The following EPHA10 variants were observed in gnomAD, a reference collection of about 807,000 sequenced individuals.
EPHA10 encodes EPH receptor A10, also known as ephrin type-A receptor 10.
In EPHA10, 120 loss-of-function variants were observed where a neutral mutation model predicts 109.7. That is an observed-to-expected ratio of 1.09 (90% CI 0.94 to 1.27). The LOEUF (loss-of-function observed/expected upper bound fraction) is 1.27, where lower values mean the gene tolerates loss of function less well. Ranked by LOEUF, EPHA10 falls within the 50% of genes most tolerant of loss-of-function variation. EPHA10 has a pLI of 0.00. For missense variants in EPHA10, 1,396 were observed against 1,411.1 expected, an observed-to-expected ratio of 0.99 and a Z score of 0.17; for synonymous variants, 640 against 618.9, an observed-to-expected ratio of 1.03 and a Z score of -0.51.
At position 37,723,131 on chromosome 1, in the gene EPHA10, G is replaced by A. The variant is rs1645828150; in HGVS notation, c.1870C>T (p.Gln624Ter). The A allele has an allele frequency of 1.5e-5, 25 of 1,614,044 alleles. No homozygotes were observed. The highest frequency in any genetic ancestry group is 1.8e-5 in the Non-Finnish European group (21 of 1,180,026). The change falls in exon 10 of 17, where the codon CAG becomes TAG. Residue 624 changes from glutamine to a stop codon, truncating the protein, a stop_gained. Transcript: ENST00000373048. LOFTEE classifies it high-confidence loss of function. ...GCCTGCAGCAGGTCCCCACAGCTCT[G>A]GGGGTCCAGGAATGTGCGACGTGTT... ...VPTRRTFLDPQSCGDLLQAVH... is the reference protein window; with the variant it reads ...VPTRRTFLDP
intron 8 of EPHA10, among the ~76,000 whole-genome samples, chr1:37,724,652 G>C (rs530036512): frequency 1.3e-5 from 2 of 152,306 alleles, no homozygotes; most frequent in South Asian, 4.1e-4. Context: ...ACAAGGATGA[G>C]AGACCAAGGG....
Position 37,765,006 on chromosome 1 carries a change from G to T in EPHA10, c.61C>A (p.Leu21Ile). The change falls in exon 1 of 17, where the codon CTC (leucine) becomes ATC (isoleucine). Residue 21 changes from leucine to isoleucine, a missense_variant. Physicochemically the swap from Leu to Ile is conservative, Grantham distance 5 (BLOSUM62 2). Transcript: ENST00000373048. Reference protein sequence around the residue: ...RLFLCRMQLCLALLLGPWRPG... With the variant: ...RLFLCRMQLCIALLLGPWRPG... The stretch of plus-strand genomic sequence containing the variant: ...CGCCAGGGTCCCAAAAGCAGCGCGA[G>T]ACAGAGCTGCATCCGGCAGAGGAAG... 6.2e-7 allele frequency: 1 copy of T among 1,611,200 alleles called. No individual in the cohort carries two copies.
At position 37,727,121 on chromosome 1, in the gene EPHA10, C is replaced by A. The variant is rs745483856; in HGVS notation, c.1753G>T (p.Val585Leu). The A allele has an allele frequency of 6.2e-7, 1 of 1,611,892 alleles. No individual in the cohort carries two copies. The highest frequency in any genetic ancestry group is 8.5e-7 in the Non-Finnish European group (1 of 1,178,898). Residue 585 changes from valine to leucine, a missense_variant, in exon 8 of 17, where the codon GTG becomes TTG. Physicochemically the swap from Val to Leu is conservative, Grantham distance 32. Coordinates refer to ENST00000373048, the MANE Select transcript of EPHA10 (RefSeq NM_001099439.2). Reference sequence around the variant, plus strand: ...ACCTACCTCCTCCAAATGGCCAGCACACTCATCACGGAGCCCAGGACGAGG... The same window carrying A: ...ACCTACCTCCTCCAAATGGCCAGCAAACTCATCACGGAGCCCAGGACGAGG... ...ALLVLGSVMS[V>L]LAIWRRPCSY...
In EPHA10 at chr1:37,747,804, C is replaced by A. The variant is rs1300753250; in HGVS notation, c.1357+5072G>T. ...TAATAATAAATCATAAAATAAGTGACGAAAGTAAAGAACAATGGAATTGAT... is the reference window on the plus strand; with the variant it reads ...TAATAATAAATCATAAAATAAGTGAAGAAAGTAAAGAACAATGGAATTGAT... On this transcript the variant is annotated intron_variant, in intron 5 of 16. Coordinates refer to ENST00000373048, the MANE Select transcript of EPHA10 (RefSeq NM_001099439.2). 3.3e-5 allele frequency among the ~76,000 whole-genome samples: 5 copies of A among 151,536 alleles called. No homozygotes were observed. In the South Asian group the frequency reaches 1.0e-3, roughly 32 times the overall value.
At chr1:37,743,841 C>A (rs1465716665) in intron 5 of EPHA10, among the ~76,000 whole-genome samples, 1 of 152,042 alleles carries the variant, frequency 6.6e-6, no homozygotes, top group Admixed American at 6.5e-5. Flanking sequence ...TTATAATAAG[C>A]CCAATGGGAC....
At position 37,764,402 on chromosome 1, in the gene EPHA10, G is replaced by A. The variant is rs1646458142; in HGVS notation, c.106+559C>T. The stretch of plus-strand genomic sequence containing the variant: ...GAGGCAAGACGCGGGCTCCAGTATC[G>A]CCGACAGCCTCAAACCCGGCAACGC... On this transcript the variant is annotated intron_variant, in intron 1 of 16. Coordinates refer to ENST00000373048, the MANE Select transcript of EPHA10 (RefSeq NM_001099439.2). This position sits in a 1 kb window ranked among gnomAD's most constrained non-coding sequence, Gnocchi z 5.8. Among the ~76,000 whole-genome samples the A allele has an allele frequency of 6.6e-6, 1 of 152,186 alleles. No individual in the cohort carries two copies. The highest frequency in any genetic ancestry group is 1.5e-5 in the Non-Finnish European group (1 of 68,040).
At chr1:37,715,020 T>A (rs1426646651), downstream of EPHA10, 1 of 152,322 alleles carries the variant, frequency 6.6e-6, no homozygotes, top group African/African-American at 2.4e-5. Context: ...CCTCTTTCAC[T>A]TGATTTCTCT....
chr1:37,727,259 G>A, intron 7 of EPHA10, 49 bp from the exon 8 acceptor site: 1 of 1,497,908 alleles, frequency 6.7e-7, no homozygotes, highest in Non-Finnish European at 9.1e-7. Flanking sequence ...CAGGCTCCTA[G>A]GCAAGCCCCA....
rs1034053653 is a variant in EPHA10 at position 37,754,142 on chromosome 1, C to T, written c.1006+73G>A. 3.0e-5 allele frequency: 38 copies of T among 1,248,100 alleles called. No homozygotes were observed. In the Middle Eastern group the frequency reaches 9.2e-4, roughly 30 times the overall value. 77.3% of individuals were successfully genotyped at this position (1,248,100 alleles called of 1,614,324 possible). A position where few individuals can be genotyped will look rare whatever the true frequency, so the allele number is the denominator to read the frequency against. On this transcript the variant is annotated intron_variant, in intron 4 of 16. Coordinates refer to ENST00000373048, the MANE Select transcript of EPHA10 (RefSeq NM_001099439.2). This position sits in a 1 kb window ranked among gnomAD's most constrained non-coding sequence, Gnocchi z 4.5. ...TGCGGAGACCCTGCCCTCACCACCA[C>T]CTGGATCAGGCCTTCCTTCTTGGCC...
At chr1:37,744,280 G>A (rs1233246133) in intron 5 of EPHA10, among the ~76,000 whole-genome samples, 3 of 151,916 alleles carry the variant, frequency 2.0e-5, no homozygotes, top group Admixed American at 6.6e-5. Context: ...TTGGGAGGCT[G>A]AGGCGGGTGG....
intron 3 of EPHA10, among the ~76,000 whole-genome samples, chr1:37,756,277 C>A (rs1221462610): frequency 6.6e-6 from 1 of 152,182 alleles, no homozygotes; most frequent in Non-Finnish European, 1.5e-5. Flanking sequence ...GCCCTGCCCA[C>A]CACTGTTGTG....
intron 5 of EPHA10, among the ~76,000 whole-genome samples, chr1:37,738,322 G>T (rs954072492): frequency 6.6e-6 from 1 of 151,918 alleles, no homozygotes; most frequent in African/African-American, 2.4e-5. Flanking sequence ...AGCTGAGATC[G>T]CACCACTGCA....
At chr1:37,736,148 C>T (rs1389581039) in intron 5 of EPHA10, among the ~76,000 whole-genome samples, 1 of 152,184 alleles carries the variant, frequency 6.6e-6, no homozygotes, top group African/African-American at 2.4e-5. Flanking sequence ...GTGGCTCACG[C>T]CTATAATCCC....
In EPHA10 at chr1:37,716,043, C is replaced by A. The variant is rs772753763; in HGVS notation, c.*2329G>T. On this transcript the variant is annotated 3_prime_UTR_variant, in exon 17 of 17. Transcript: ENST00000373048. ...ATATAAAAACATCTCCAGAAGGAAC[C>A]CCCTCCGACTGGCCCCCTCCCTCCC... is the stretch of plus-strand genomic sequence containing the variant. 21 of 556,996 alleles carry A rather than the reference C, an allele frequency of 3.8e-5. No homozygotes were observed. Among genetic ancestry groups the A allele is most frequent in the African/African-American group, 3.7e-4 (20 of 54,298 alleles). 34.5% of individuals were successfully genotyped at this position (556,996 alleles called of 1,614,324 possible).
Position 37,736,000 on chromosome 1 carries a change from G to A in EPHA10, c.1358-610C>T, listed in dbSNP as rs543751511. 2.6e-5 allele frequency among the ~76,000 whole-genome samples: 4 copies of A among 152,310 alleles called. No homozygotes were observed. In the East Asian group the frequency reaches 7.7e-4, roughly 29 times the overall value. ...CATAATACCAGAAGTTCTAGCCAGA[G>A]CAGTTAGGCAAGAAAAAGAAATAAA... On this transcript the variant is annotated intron_variant, in intron 5 of 16. Transcript: ENST00000373048.
intron 7 of EPHA10, among the ~76,000 whole-genome samples, chr1:37,730,122 G>C (rs180786125): frequency 6.6e-6 from 1 of 152,182 alleles, no homozygotes; most frequent in African/African-American, 2.4e-5. Context: ...TCCCCAGAAT[G>C]CCTCCCTGCC....
Position 37,717,221 on chromosome 1 carries a change from C to T in EPHA10, c.*1151G>A, listed in dbSNP as rs569106988. 1 of 232,968 alleles carries T rather than the reference C, an allele frequency of 4.3e-6. No homozygotes were observed. Among genetic ancestry groups the T allele is most frequent in the East Asian group, 6.1e-5 (1 of 16,528 alleles). 14.4% of individuals were successfully genotyped at this position (232,968 alleles called of 1,614,324 possible). ...CTCCACGGTGGGCTCAGCACAACCA[C>T]TTCTGCCAGGGCTCTTCAAAGTCAG... On this transcript the variant is annotated 3_prime_UTR_variant, in exon 17 of 17. Coordinates refer to ENST00000373048, the MANE Select transcript of EPHA10 (RefSeq NM_001099439.2).
intron 6 of EPHA10, 99 bp downstream of exon 6, chr1:37,735,158 A>C: frequency 6.9e-7 from 1 of 1,459,452 alleles, no homozygotes; most frequent in Non-Finnish European, 9.4e-7. Context: ...TTACAAAGGG[A>C]GTAACGAGGG....
chr1:37,755,393 C>A (rs1255305327), intron 3 of EPHA10, among the ~76,000 whole-genome samples: 2 of 152,124 alleles, frequency 1.3e-5, no homozygotes, highest in African/African-American at 4.8e-5. Context: ...AAATTCCCAA[C>A]TGGAAGTAAA....
Sources: allele counts gnomAD v4.1 joint callset (sites outside exome capture counted in the v4.1 genomes callset), GRCh38; gene constraint gnomAD v4.1.1; non-coding constraint Gnocchi (gnomAD v3.1); transcripts MANE v1.5; gene names NCBI Gene and HGNC (gene_info 2026-07-23, HGNC 2026-07-21).